The following TMEM50B variants were observed in gnomAD, a reference collection of about 807,000 sequenced individuals.
The protein encoded by TMEM50B is HCV p7-trans-regulated protein 3.
Under a neutral mutation model 23.4 loss-of-function variants are expected in TMEM50B, and 14 were observed. The observed-to-expected ratio is 0.60, with a 90% CI of 0.39 to 0.93. The LOEUF (loss-of-function observed/expected upper bound fraction) is 0.93, where lower values mean the gene tolerates loss of function less well. TMEM50B is among the 40% of genes least tolerant of loss of function. The pLI is 0.00. For missense variants in TMEM50B, 159 were observed against 193.0 expected (o/e 0.82, Z 1.04); for synonymous variants, 64 against 62.3 (o/e 1.03, Z -0.13).
Position 33,465,335 on chromosome 21 carries a change from T to C in TMEM50B, c.280+7A>G, listed in dbSNP as rs768182381. 2.4e-5 allele frequency: 38 copies of C among 1,611,382 alleles called. No individual in the cohort carries two copies. The South Asian group carries it at 4.2e-4, about 18-fold the overall frequency. ...CAACACCCATTAACAGCTCAAAGTA[T>C]CTTTACCTGTTCTTCCTAAACAGCC... is the stretch of plus-strand genomic sequence containing the variant. On this transcript the variant is annotated splice_region_variant and intron_variant, in intron 4 of 6. Transcript: ENST00000542230.
At chr21:33,453,001 G>T (rs1338719228) in intron 6 of TMEM50B, among the ~76,000 whole-genome samples, 1 of 152,176 alleles carries the variant, frequency 6.6e-6, no homozygotes, top group Non-Finnish European at 1.5e-5. Context: ...TGTCTGAGAT[G>T]AAAAAATCAT....
chr21:33,444,803 C>CAAAAAAAAAAAAA (rs60816843), downstream of TMEM50B, among the ~76,000 whole-genome samples: 3 of 96,296 alleles, frequency 3.1e-5, no homozygotes, highest in African/African-American at 9.2e-5. Flanking sequence ...CATCTCTTTA[C>CAAAAAAAAAAAAA]AAAAAAAAAA....
At position 33,466,912 on chromosome 21, in the gene TMEM50B, TC is replaced by T. The variant is rs1228108959; in HGVS notation, c.212+97del. 58 of 879,782 alleles carry T rather than the reference TC, an allele frequency of 6.6e-5. No homozygotes were observed. In the East Asian group the frequency reaches 1.5e-3, roughly 23 times the overall value. 54.5% of individuals were successfully genotyped at this position (879,782 alleles called of 1,614,324 possible). A position where few individuals can be genotyped will look rare whatever the true frequency, so the allele number is the denominator to read the frequency against. The stretch of plus-strand genomic sequence containing the variant: ...ATGTATCATGTTAAAAAATAGTCTA[TC>T]AAATAAATTAAAAAGTTATTCAAGA... On this transcript the variant is annotated intron_variant, in intron 3 of 6. Transcript: ENST00000542230.
intron 1 of TMEM50B, among the ~76,000 whole-genome samples, chr21:33,479,615 CG>C (rs977996871): frequency 5.3e-5 from 8 of 152,182 alleles, no homozygotes; most frequent in African/African-American, 1.4e-4. Flanking sequence ...CGGTCACGGT[CG>C]GCCCGAAGGG....
intron 7 of TMEM50B, among the ~76,000 whole-genome samples, chr21:33,441,259 C>T (rs2123394961): frequency 6.6e-6 from 1 of 151,932 alleles, no homozygotes; most frequent in South Asian, 2.1e-4. Flanking sequence ...TGGTACATAA[C>T]ATTTAAAGAA....
intron 3 of TMEM50B, among the ~76,000 whole-genome samples, 191 bp downstream of exon 3, chr21:33,466,819 A>G (rs2084268302): frequency 6.6e-6 from 1 of 152,238 alleles, no homozygotes; most frequent in Non-Finnish European, 1.5e-5. Context: ...TAGGTGCTAA[A>G]AAGATATATG....
chr21:33,476,214 G>A (rs2084368669), intron 1 of TMEM50B, among the ~76,000 whole-genome samples: 1 of 151,736 alleles, frequency 6.6e-6, no homozygotes, highest in African/African-American at 2.4e-5. Flanking sequence ...ACAAAAGCCC[G>A]TCTCTACTAA....
chr21:33,446,242 T>TAA (rs1568972701), downstream of TMEM50B, among the ~76,000 whole-genome samples: 1 of 115,888 alleles, frequency 8.6e-6, no homozygotes, highest in African/African-American at 3.6e-5. Context: ...TATTTTTTAT[T>TAA]TTTTATTTTT....
intron 2 of TMEM50B, among the ~76,000 whole-genome samples, 190 bp from the exon 3 acceptor site, chr21:33,467,312 T>C (rs1463421061): frequency 2.0e-5 from 3 of 152,088 alleles, no homozygotes; most frequent in African/African-American, 4.8e-5. Flanking sequence ...CTGGTCATCA[T>C]GGTAAAACCT....
intron 1 of TMEM50B, among the ~76,000 whole-genome samples, chr21:33,471,859 C>A (rs981105946): frequency 1.3e-5 from 2 of 150,802 alleles, no homozygotes; most frequent in African/African-American, 4.9e-5. Context: ...CATGGTGAAA[C>A]CCCGTCTCTA....
chr21:33,448,106 G>A (rs2084082375), downstream of TMEM50B, among the ~76,000 whole-genome samples: 2 of 151,942 alleles, frequency 1.3e-5, no homozygotes, highest in Admixed American at 1.3e-4. Flanking sequence ...AATTCTCCCT[G>A]CCTCAGCCTC....
chr21:33,457,519 C>T lies in TMEM50B; in HGVS notation c.374-1735G>A, dbSNP rs1601119592. 2.0e-5 allele frequency among the ~76,000 whole-genome samples: 3 copies of T among 151,644 alleles called. No homozygotes were observed. In the South Asian group the frequency reaches 6.3e-4, roughly 32 times the overall value. ...ACAAAAAATTAGCTGGGAGTCGTGG[C>T]AGGCGGCTATAATCCCAGCTATTCG... On this transcript the variant is annotated intron_variant, in intron 5 of 6. Transcript: ENST00000542230.
intron 1 of TMEM50B, among the ~76,000 whole-genome samples, chr21:33,474,656 T>TC (rs2084349482): frequency 1.4e-5 from 2 of 140,284 alleles, no homozygotes; most frequent in African/African-American, 5.4e-5. Flanking sequence ...ATGCCTGTAA[T>TC]CCCACCTATT....
At chr21:33,459,633 A>C (rs1477892218) in intron 5 of TMEM50B, among the ~76,000 whole-genome samples, 1 of 147,012 alleles carries the variant, frequency 6.8e-6, no homozygotes, top group African/African-American at 2.5e-5. Flanking sequence ...ACACCACTGC[A>C]CTCCATCCTG....
chr21:33,453,798 T>C (rs1008907378), intron 6 of TMEM50B, among the ~76,000 whole-genome samples: 5 of 152,024 alleles, frequency 3.3e-5, no homozygotes, highest in African/African-American at 7.2e-5. Flanking sequence ...TATCCTATGT[T>C]GACATTAAAA....
intron 5 of TMEM50B, among the ~76,000 whole-genome samples, chr21:33,459,560 T>G (rs913728866): frequency 5.3e-5 from 8 of 150,394 alleles, no homozygotes; most frequent in African/African-American, 2.0e-4. Flanking sequence ...CCCAGCTACT[T>G]GGGAGGCTGA....
At position 33,440,914 on chromosome 21, in the gene TMEM50B, T is replaced by C. The variant is rs377071782; in HGVS notation, c.*2037-1617A>G. On this transcript the variant is annotated intron_variant and NMD_transcript_variant, in intron 7 of 8. Transcript: ENST00000420455. ...ATAATAAAATAAAATAACGTCTCTG[T>C]CCATAGTGTTTAAATCACATAAAAT... Among the ~76,000 whole-genome samples, 18 of 151,734 alleles carry C rather than the reference T, an allele frequency of 1.2e-4. 1 individual carries two copies. In the East Asian group the frequency reaches 3.1e-3, roughly 26 times the overall value.
downstream of TMEM50B, chr21:33,448,733 G>A (rs2084089022): frequency 6.6e-6 from 1 of 152,058 alleles, no homozygotes; most frequent in Non-Finnish European, 1.5e-5. Context: ...CGCCCACCTA[G>A]GCCTCCCAAA....
At position 33,450,573 on chromosome 21, in the gene TMEM50B, T is replaced by A. The variant is rs1363915032; in HGVS notation, c.*245A>T. 1 of 367,938 alleles carries A rather than the reference T, an allele frequency of 2.7e-6. No homozygotes were observed. Among genetic ancestry groups the A allele is most frequent in the Non-Finnish European group, 4.9e-6 (1 of 203,356 alleles). 22.8% of individuals were successfully genotyped at this position (367,938 alleles called of 1,614,324 possible). A position where few individuals can be genotyped will look rare whatever the true frequency, so the allele number is the denominator to read the frequency against. On this transcript the variant is annotated 3_prime_UTR_variant, in exon 7 of 7. Coordinates refer to ENST00000542230, the MANE Select transcript of TMEM50B (RefSeq NM_006134.7). Reference sequence around the variant, plus strand: ...CAGGGAGTAGATCAAGTTCTAAATCTCAGGAATAAAAAACTGATACTCATT... The same window carrying A: ...CAGGGAGTAGATCAAGTTCTAAATCACAGGAATAAAAAACTGATACTCATT...
Sources: gnomAD v4.1 joint callset for allele counts (sites outside exome capture counted in the v4.1 genomes callset) on GRCh38, gnomAD v4.1.1 for gene constraint, MANE v1.5 for transcripts, NCBI Gene and HGNC (gene_info 2026-07-23, HGNC 2026-07-21) for gene names.